LRIG3: variants seen among roughly 807,000 people sequenced by gnomAD.
LRIG3 encodes the protein leucine-rich repeats and immunoglobulin-like domains protein 3.
LRIG3 carries 76 observed loss-of-function variants against 114.5 expected under a neutral mutation model. The observed-to-expected ratio is 0.66, with a 90% CI of 0.55 to 0.80. LRIG3 has a LOEUF of 0.80. LRIG3 is among the 30% of genes least tolerant of loss of function. The pLI is 0.00. For missense variants in LRIG3, 1,239 were observed against 1,382.8 expected, an observed-to-expected ratio of 0.90 and a Z score of 1.65; for synonymous variants, 512 against 519.8, an observed-to-expected ratio of 0.98 and a Z score of 0.20.
rs1319466588 is a variant in LRIG3, at chr12:58,888,471, G to A, written c.805C>T (p.Gln269Ter). The change falls in exon 7 of 19, where the codon CAG becomes TAG. Residue 269 changes from glutamine to a stop codon, truncating the protein, a stop_gained and splice_region_variant. Transcript: ENST00000320743. LOFTEE classifies it high-confidence loss of function. ...FWGLSNMEIL[Q>*]LDHNNLTEIT... Reference sequence around the variant, plus strand: ...TCTGTTAGGTTGTTATGGTCCAGCTGCCTACATTTACAGTAAGAATCAAAA... The same window carrying A: ...TCTGTTAGGTTGTTATGGTCCAGCTACCTACATTTACAGTAAGAATCAAAA... The A allele has an allele frequency of 6.2e-7, 1 of 1,612,534 alleles. No individual in the cohort carries two copies. Among genetic ancestry groups the A allele is most frequent in the Non-Finnish European group, 8.5e-7 (1 of 1,178,936 alleles).
intron 6 of LRIG3, 43 bp downstream of exon 6, chr12:58,888,776 T>A (rs142818980): frequency 1.1e-5 from 18 of 1,601,970 alleles, no homozygotes; most frequent in Non-Finnish European, 1.4e-5. Flanking sequence ...GAGCATTCTA[T>A]GATCATACTA....
chr12:58,880,299 CAA>C (rs11442337), intron 13 of LRIG3: 2,658 of 332,044 alleles, frequency 8.0e-3, no homozygotes, highest in East Asian at 0.01. Context: ...GATTCCGTCT[CAA>C]AAAAAAAAAA....
Position 58,879,092 on chromosome 12 carries a change from G to C in LRIG3, c.1815C>G (p.Phe605Leu). ...TGGTGAGATCCATGGGGGTCTTGGT[G>C]AATGAGGGAAGCACTGAAATCAGAG... ...AKLTVNMLPSFTKTPMDLTIR... is the reference protein window; with the variant it reads ...AKLTVNMLPSLTKTPMDLTIR... Residue 605 changes from phenylalanine to leucine, a missense_variant, in exon 14 of 19, where the codon TTC becomes TTG. By Grantham distance (22) the Phe-to-Leu change is conservative. Coordinates refer to ENST00000320743, the MANE Select transcript of LRIG3 (RefSeq NM_153377.5). The C allele has an allele frequency of 3.7e-6, 6 of 1,611,832 alleles. No homozygotes were observed. The highest frequency in any genetic ancestry group is 5.1e-6 in the Non-Finnish European group (6 of 1,178,338).
In LRIG3 at chr12:58,876,459, T is replaced by C; in HGVS notation, c.2681A>G (p.Gln894Arg). Reference sequence around the variant, plus strand: ...TAAACACTTACCACTACTGTCATGTTGTGGTAAGAAAAATCCAGCACCTGA... The same window carrying C: ...TAAACACTTACCACTACTGTCATGTCGTGGTAAGAAAAATCCAGCACCTGA... Reference protein sequence around the residue: ...TSSGAGFFLPQHDSSGTCHID... With the variant: ...TSSGAGFFLPRHDSSGTCHID... The change falls in exon 16 of 19, where the codon CAA (glutamine) becomes CGA (arginine). Residue 894 changes from glutamine (Q) to arginine (R), a missense_variant. By Grantham distance (43) the Gln-to-Arg change is conservative. Transcript: ENST00000320743. The C allele has an allele frequency of 1.2e-6, 2 of 1,614,106 alleles. No homozygotes were observed. The highest frequency in any genetic ancestry group is 2.7e-5 in the African/African-American group (2 of 75,042).
chr12:58,913,034 C>G (rs2120984288), intron 3 of LRIG3, among the ~76,000 whole-genome samples: 1 of 152,242 alleles, frequency 6.6e-6, no homozygotes, highest in African/African-American at 2.4e-5. Context: ...CTTAGCTGAC[C>G]TGGGCCCTCA....
intron 13 of LRIG3, 40 bp from the exon 14 acceptor site, chr12:58,879,145 G>T: frequency 6.5e-7 from 1 of 1,546,580 alleles, no homozygotes; most frequent in Non-Finnish European, 8.8e-7. Context: ...GCACAGTGGA[G>T]TCTTACAGGT....
At chr12:58,898,467 C>T (rs576675655) in intron 3 of LRIG3, among the ~76,000 whole-genome samples, 43 of 152,296 alleles carry the variant, frequency 2.8e-4, no homozygotes, top group Admixed American at 1.8e-3. Flanking sequence ...GTTTCTTTCA[C>T]CTCTCTCCTC....
chr12:58,875,567 G>C (rs898004378), intron 16 of LRIG3, among the ~76,000 whole-genome samples: 1 of 152,172 alleles, frequency 6.6e-6, no homozygotes, highest in African/African-American at 2.4e-5. Context: ...TGTGCCTAGC[G>C]CCATGTAGTT....
chr12:58,873,901 T>A, intron 18 of LRIG3, 154 bp downstream of exon 18: 2 of 841,450 alleles, frequency 2.4e-6, no homozygotes, highest in Non-Finnish European at 3.8e-6. Flanking sequence ...ACTTTGCTTT[T>A]GGAGGCATTT....
intron 14 of LRIG3, 66 bp from the exon 15 acceptor site, chr12:58,877,918 C>T: frequency 7.0e-7 from 1 of 1,432,344 alleles, no homozygotes; most frequent in South Asian, 1.4e-5. Context: ...TAAAATGTAG[C>T]ATTTAAACTT....
intron 1 of LRIG3, 117 bp from the exon 2 acceptor site, chr12:58,914,453 T>C (rs1366637357): frequency 2.7e-6 from 2 of 752,572 alleles, no homozygotes; most frequent in Non-Finnish European, 2.1e-6. Flanking sequence ...AATTGGTCTA[T>C]TCTGTCCACA....
intron 13 of LRIG3, among the ~76,000 whole-genome samples, chr12:58,880,158 T>A (rs1272542185): frequency 6.6e-6 from 1 of 151,838 alleles, no homozygotes; most frequent in Non-Finnish European, 1.5e-5. Context: ...TGGCCGGGCA[T>A]GGTGGCGCAC....
In LRIG3 at chr12:58,890,750, ACT is replaced by A; in HGVS notation, c.428_429del (p.Glu143ValfsTer5). On this transcript the variant is annotated frameshift_variant, in exon 4 of 19. Transcript: ENST00000320743. LOFTEE classifies it high-confidence loss of function. The part of the protein sequence containing the change: ...IVEILPEHLK[E>X]FQSLETLDLS... ...AGGTCCAAAGTTTCAAGGGACTGAA[ACT>A]CTTTCAGATGTTCAGGGAGTATTTC... 1.2e-6 allele frequency: 2 copies of A among 1,605,104 alleles called. No homozygotes were observed. Among genetic ancestry groups the A allele is most frequent in the Non-Finnish European group, 8.5e-7 (1 of 1,176,424 alleles).
chr12:58,890,582 A>G (rs1871422669), intron 4 of LRIG3, 83 bp downstream of exon 4: 38 of 1,349,138 alleles, frequency 2.8e-5, no homozygotes, highest in Non-Finnish European at 3.8e-5. Context: ...GTAGTAAAGT[A>G]GACAAAGTTT....
intron 3 of LRIG3, among the ~76,000 whole-genome samples, chr12:58,903,156 A>G (rs1250990487): frequency 2.0e-5 from 3 of 152,196 alleles, no homozygotes; most frequent in Non-Finnish European, 4.4e-5. Flanking sequence ...ACTGACTTCC[A>G]CTAGAGTTGA....
At position 58,877,502 on chromosome 12, in the gene LRIG3, T is replaced by A; in HGVS notation, c.2434A>T (p.Ile812Phe). The stretch of plus-strand genomic sequence containing the variant: ...ACCACACAGCAAACCACGGCTATGA[T>A]CACGACACCCACAGTGGCCCATCCG... ...DDGWATVGVVIIAVVCCVVGT... is the reference protein window; with the variant it reads ...DDGWATVGVVFIAVVCCVVGT... Residue 812 changes from isoleucine (I) to phenylalanine (F), a missense_variant, in exon 15 of 19, where the codon ATC (isoleucine) becomes TTC (phenylalanine). Coordinates refer to ENST00000320743, the MANE Select transcript of LRIG3 (RefSeq NM_153377.5). 6.2e-7 allele frequency: 1 copy of A among 1,614,176 alleles called. No individual in the cohort carries two copies. Among genetic ancestry groups the A allele is most frequent in the Non-Finnish European group, 8.5e-7 (1 of 1,180,044 alleles).
chr12:58,888,167 G>T (rs1370012062), intron 7 of LRIG3, among the ~76,000 whole-genome samples, 162 bp downstream of exon 7: 1 of 152,130 alleles, frequency 6.6e-6, no homozygotes, highest in African/African-American at 2.4e-5. Flanking sequence ...AGTAGAACTG[G>T]CTTCAACTTA....
intron 3 of LRIG3, among the ~76,000 whole-genome samples, chr12:58,909,423 C>T (rs748965476): frequency 3.3e-5 from 5 of 152,094 alleles, no homozygotes; most frequent in Non-Finnish European, 7.4e-5. Flanking sequence ...CTGATGTTAT[C>T]TTTTCTTTTC....
In LRIG3 at chr12:58,887,867, T is replaced by C. The variant is rs1871327124; in HGVS notation, c.1013A>G (p.Asn338Ser). 2 of 1,613,808 alleles carry C rather than the reference T, an allele frequency of 1.2e-6. No individual in the cohort carries two copies. Among genetic ancestry groups the C allele is most frequent in the Non-Finnish European group, 1.7e-6 (2 of 1,179,862 alleles). Residue 338 changes from asparagine to serine, a missense_variant, in exon 8 of 19, where the codon AAT becomes AGT. Transcript: ENST00000320743. Reference protein sequence around the residue: ...DSSFLGLSLLNTLHIGNNRVS... With the variant: ...DSSFLGLSLLSTLHIGNNRVS... Reference sequence around the variant, plus strand: ...TCTGTTGTTCCCAATGTGCAGTGTATTTAGTAAGCTTAGGCCAAGGAAGCT... The same window carrying C: ...TCTGTTGTTCCCAATGTGCAGTGTACTTAGTAAGCTTAGGCCAAGGAAGCT...
Sources: allele counts gnomAD v4.1 joint callset (sites outside exome capture counted in the v4.1 genomes callset), GRCh38; gene constraint gnomAD v4.1.1; transcripts MANE v1.5; gene names NCBI Gene and HGNC (gene_info 2026-07-23, HGNC 2026-07-21).